The following SCARB1 variants were observed in gnomAD, a reference collection of about 807,000 sequenced individuals.
The protein encoded by SCARB1 is scavenger receptor class B member 1.
SCARB1 carries 30 observed loss-of-function variants against 57.2 expected under a neutral mutation model. The ratio of observed to expected loss-of-function variants is 0.52; its 90% confidence interval spans 0.39 to 0.71. SCARB1 has a LOEUF of 0.71. Among genes scored for constraint, SCARB1 ranks in the 30% least tolerant of loss-of-function variants. The probability of loss-of-function intolerance (pLI) is 0.00; values close to 1 mark genes in which losing one functional copy is unlikely to be tolerated. For missense variants in SCARB1, 543 were observed against 671.2 expected, an observed-to-expected ratio of 0.81 and a Z score of 2.11; for synonymous variants, 249 against 268.3, an observed-to-expected ratio of 0.93 and a Z score of 0.70.
At chr12:124,784,819 C>G (rs1420782464) in intron 11 of SCARB1, 1 of 152,460 alleles carries the variant, frequency 6.6e-6, no homozygotes, top group Non-Finnish European at 1.5e-5. Flanking sequence ...ATGGCAGCCA[C>G]TCGCCCATCT....
chr12:124,806,093 C>CTGGATGGTCTAGGGGA (rs1950314761), intron 7 of SCARB1, among the ~76,000 whole-genome samples: 1 of 152,098 alleles, frequency 6.6e-6, no homozygotes, highest in Non-Finnish European at 1.5e-5. Context: ...AGTGACCGCA[C>CTGGATGGTCTAGGGGA]TGGATGGTCT....
chr12:124,794,400 C>CTTTTTTTTTTTTT (rs3043265), intron 9 of SCARB1, among the ~76,000 whole-genome samples: 2 of 119,912 alleles, frequency 1.7e-5, no homozygotes, highest in African/African-American at 3.3e-5. Flanking sequence ...TTGAAAAATT[C>CTTTTTTTTTTTTT]TTTTTTTTTT....
chr12:124,803,203 G>C (rs982686891), intron 7 of SCARB1, among the ~76,000 whole-genome samples: 1 of 152,204 alleles, frequency 6.6e-6, no homozygotes, highest in Non-Finnish European at 1.5e-5. Flanking sequence ...TGGGAGGACC[G>C]CGAGTGGCAT....
At position 124,807,875 on chromosome 12, in the gene SCARB1, A is replaced by C. The variant is rs1474976327; in HGVS notation, c.895T>G (p.Tyr299Asp). 1 of 1,614,028 alleles carries C rather than the reference A, an allele frequency of 6.2e-7. No individual in the cohort carries two copies. The highest frequency in any genetic ancestry group is 8.5e-7 in the Non-Finnish European group (1 of 1,180,000). The change falls in exon 7 of 13, where the codon TAT becomes GAT. Residue 299 changes from tyrosine (Y) to aspartate (D), a missense_variant. Transcript: ENST00000261693. The surrounding 1 kb of genome is among the most constrained non-coding windows in gnomAD (Gnocchi z 5.3). Reference sequence around the variant, plus strand: ...AGGGTTTTGGGAGCCACGAAGCGATAGGTGGGGATGCCTTCAAACACCCCT... The same window carrying C: ...AGGGTTTTGGGAGCCACGAAGCGATCGGTGGGGATGCCTTCAAACACCCCT... ...ESGVFEGIPT[Y>D]RFVAPKTLFA...
rs1182616085 is a variant in SCARB1 at position 124,817,214 on chromosome 12, C to G, written c.284+336G>C. ...CCCAGACGCACACCATTGGTCCCTC[C>G]CTGCTCCATAAAGAACCTCTCTAGG... On this transcript the variant is annotated intron_variant, in intron 2 of 12. Coordinates refer to ENST00000261693, the MANE Select transcript of SCARB1 (RefSeq NM_005505.5). This position sits in a 1 kb window ranked among gnomAD's most constrained non-coding sequence, Gnocchi z 4.8. Among the ~76,000 whole-genome samples the G allele has an allele frequency of 6.6e-6, 1 of 151,740 alleles. No individual in the cohort carries two copies. Among genetic ancestry groups the G allele is most frequent in the Non-Finnish European group, 1.5e-5 (1 of 67,930 alleles).
At chr12:124,851,718 C>T (rs1952409285) in intron 1 of SCARB1, among the ~76,000 whole-genome samples, 2 of 151,472 alleles carry the variant, frequency 1.3e-5, no homozygotes, top group African/African-American at 4.9e-5. Context: ...AGCAGTCCTC[C>T]GCCTCAGCCT....
At chr12:124,840,131 T>A in intron 1 of SCARB1, 4 of 1,198,982 alleles carry the variant, frequency 3.3e-6, no homozygotes, top group African/African-American at 1.6e-5. Flanking sequence ...CTCATTTCCC[T>A]AACGATGAGC....
chr12:124,814,982 G>C lies in SCARB1; in HGVS notation c.417C>G (p.Ile139Met). 1 of 1,614,180 alleles carries C rather than the reference G, an allele frequency of 6.2e-7. No homozygotes were observed. The highest frequency in any genetic ancestry group is 8.5e-7 in the Non-Finnish European group (1 of 1,180,030). The change falls in exon 3 of 13, where the codon ATC becomes ATG. Residue 139 changes from isoleucine (I) to methionine (M), a missense_variant. Transcript: ENST00000261693. The surrounding 1 kb of genome is among the most constrained non-coding windows in gnomAD (Gnocchi z 4.7). Reference sequence around the variant, plus strand: ...CACAGGGCAGCCTCACCAAGACCAGGATGTTGGGCATGACGATGTAGTCGC... The same window carrying C: ...CACAGGGCAGCCTCACCAAGACCAGCATGTTGGGCATGACGATGTAGTCGC... ...SESDYIVMPN[I>M]LVLGAAVMME...
chr12:124,861,618 A>G (rs1183051280), intron 1 of SCARB1, among the ~76,000 whole-genome samples: 2 of 152,294 alleles, frequency 1.3e-5, no homozygotes, highest in Non-Finnish European at 2.9e-5. Flanking sequence ...CTCTTCTTCC[A>G]TGCTAAGGCA....
rs1324601709 is a variant in SCARB1 at position 124,800,437 on chromosome 12, A to G, written c.1010-195T>C. ...TGATGAGGGACAAGCTCTGCGCCAGAGAAGGGGTGAGGCAGGAGCCGCTGA... is the reference window on the plus strand; with the variant it reads ...TGATGAGGGACAAGCTCTGCGCCAGGGAAGGGGTGAGGCAGGAGCCGCTGA... On this transcript the variant is annotated intron_variant, in intron 7 of 12. Transcript: ENST00000261693. The surrounding 1 kb of genome is among the most constrained non-coding windows in gnomAD (Gnocchi z 4.8). Among the ~76,000 whole-genome samples the G allele has an allele frequency of 1.3e-5, 2 of 152,202 alleles. No homozygotes were observed. Among genetic ancestry groups the G allele is most frequent in the Admixed American group, 1.3e-4 (2 of 15,282 alleles).
At chr12:124,781,190 A>G (rs528263743) in intron 12 of SCARB1, among the ~76,000 whole-genome samples, 1 of 152,334 alleles carries the variant, frequency 6.6e-6, no homozygotes, top group South Asian at 2.1e-4. Context: ...GCCAACGCCA[A>G]CAGGCTCCTG....
At chr12:124,780,564 C>G (rs1275043320) in intron 12 of SCARB1, among the ~76,000 whole-genome samples, 1 of 152,174 alleles carries the variant, frequency 6.6e-6, no homozygotes, top group Non-Finnish European at 1.5e-5. Context: ...CTGCAGCCAG[C>G]CACTGGAGGA....
At chr12:124,782,591 G>T in intron 12 of SCARB1, 92 bp downstream of exon 12, 1 of 1,271,164 alleles carries the variant, frequency 7.9e-7, no homozygotes, top group Non-Finnish European at 1.1e-6. Flanking sequence ...TGAGGCTGAA[G>T]GAATGAGCAG....
chr12:124,795,468 C>T (rs1014815713), intron 8 of SCARB1, among the ~76,000 whole-genome samples, 200 bp from the exon 9 acceptor site: 1 of 152,148 alleles, frequency 6.6e-6, no homozygotes, highest in Non-Finnish European at 1.5e-5. Flanking sequence ...GCACTGGGAT[C>T]TCCTCTCCTG....
chr12:124,831,791 T>C (rs1469136384), intron 1 of SCARB1, among the ~76,000 whole-genome samples: 1 of 152,200 alleles, frequency 6.6e-6, no homozygotes, highest in African/African-American at 2.4e-5. Context: ...GTTGACATAA[T>C]GTGCTGGGAA....
chr12:124,807,691 G>T lies in SCARB1; in HGVS notation c.1009+70C>A. 1 of 1,454,154 alleles carries T rather than the reference G, an allele frequency of 6.9e-7. No individual in the cohort carries two copies. Among genetic ancestry groups the T allele is most frequent in the Non-Finnish European group, 9.6e-7 (1 of 1,040,540 alleles). 90.1% of individuals were successfully genotyped at this position (1,454,154 alleles called of 1,614,324 possible). ...GCCAGAGATTAAGCAGACAGCACTGGGCAGATAAACCCTCAGCTGGCCCCA... is the reference window on the plus strand; with the variant it reads ...GCCAGAGATTAAGCAGACAGCACTGTGCAGATAAACCCTCAGCTGGCCCCA... On this transcript the variant is annotated intron_variant, in intron 7 of 12. Transcript: ENST00000261693. This position sits in a 1 kb window ranked among gnomAD's most constrained non-coding sequence, Gnocchi z 5.3.
intron 4 of SCARB1, among the ~76,000 whole-genome samples, chr12:124,813,603 C>T (rs1395863228): frequency 6.6e-6 from 1 of 152,190 alleles, no homozygotes; most frequent in Non-Finnish European, 1.5e-5. Flanking sequence ...CATCATGCCA[C>T]TTAGCCCAAA....
At chr12:124,805,626 C>G (rs1318583888) in intron 7 of SCARB1, among the ~76,000 whole-genome samples, 2 of 151,890 alleles carry the variant, frequency 1.3e-5, no homozygotes, top group African/African-American at 2.4e-5. Flanking sequence ...GTGGGGTGAT[C>G]ACAGCTCACT....
At chr12:124,840,957 T>C (rs1016005012) in intron 1 of SCARB1, among the ~76,000 whole-genome samples, 2 of 150,658 alleles carry the variant, frequency 1.3e-5, no homozygotes, top group Non-Finnish European at 3.0e-5. Context: ...TCACCTGAGG[T>C]CAGGGGTTCA....
Sources: allele counts gnomAD v4.1 joint callset (sites outside exome capture counted in the v4.1 genomes callset), GRCh38; gene constraint gnomAD v4.1.1; non-coding constraint Gnocchi (gnomAD v3.1); transcripts MANE v1.5; gene names NCBI Gene and HGNC (gene_info 2026-07-23, HGNC 2026-07-21).